The following NFATC2 variants were observed in gnomAD, a reference collection of about 807,000 sequenced individuals.
NFATC2 encodes nuclear factor of activated T-cells, cytoplasmic 2.
A neutral mutation model predicts 87.3 loss-of-function variants in NFATC2; 22 were observed. The observed-to-expected ratio is 0.25, with a 90% CI of 0.18 to 0.36. The LOEUF (loss-of-function observed/expected upper bound fraction) is 0.36. Among genes scored for constraint, NFATC2 ranks in the 10% least tolerant of loss-of-function variants. The pLI, the probability that NFATC2 is intolerant of heterozygous loss-of-function variation, is 1.00. For synonymous variants in NFATC2, 565 were observed against 542.2 expected (o/e 1.04, Z -0.58); for missense variants, 1,149 against 1,259.1 (o/e 0.91, Z 1.32).
chr20:51,540,663 T>TTTTTTTTTTGTTTG (rs1555818354), intron 1 of NFATC2, among the ~76,000 whole-genome samples: 12,340 of 135,018 alleles, frequency 0.091, 686 homozygotes, highest in East Asian at 0.21. Context: ...TTTTTGTTTT[T>TTTTTTTTTTGTTTG]TTTTTTTTGA....
In NFATC2 at chr20:51,474,243, G is replaced by T. The variant is rs1988507848; in HGVS notation, c.1536-91C>A. 3 of 1,477,348 alleles carry T rather than the reference G, an allele frequency of 2.0e-6. No individual in the cohort carries two copies. The East Asian group carries it at 6.9e-5, about 34-fold the overall frequency. The allele number at this position is 1,477,348 out of a possible 1,614,324, so 91.5% of individuals were successfully genotyped here. ...AGCTGCCAGTCTACAGCCAGTCACT[G>T]GGGGAAACTGCAATACACTCACATA... On this transcript the variant is annotated intron_variant, in intron 4 of 10. Transcript: ENST00000371564.
chr20:51,502,296 A>G (rs936612094), intron 3 of NFATC2, among the ~76,000 whole-genome samples: 3 of 152,172 alleles, frequency 2.0e-5, no homozygotes, highest in Admixed American at 6.6e-5. Flanking sequence ...TGCCCTTGCT[A>G]AACTATCTAC....
chr20:51,550,043 T>C (rs1341987424), intron 1 of NFATC2, among the ~76,000 whole-genome samples: 2 of 152,174 alleles, frequency 1.3e-5, no homozygotes, highest in African/African-American at 4.8e-5. Context: ...AACATATTGT[T>C]GGGTTGAAAA....
rs1568913584 is a variant in NFATC2, at chr20:51,390,716, C to CG, written c.*779dup. On this transcript the variant is annotated 3_prime_UTR_variant, in exon 11 of 11. Transcript: ENST00000371564. Reference sequence around the variant, plus strand: ...GCAGAAAAAATAATAATAACAAACGCGTATACATGTCATAACTTAACGCCA... The same window carrying CG: ...GCAGAAAAAATAATAATAACAAACGCGGTATACATGTCATAACTTAACGCCA... The CG allele has an allele frequency of 6.4e-6, 1 of 156,736 alleles. No homozygotes were observed. The highest frequency in any genetic ancestry group is 2.4e-5 in the African/African-American group (1 of 41,456). 9.7% of individuals were successfully genotyped at this position (156,736 alleles called of 1,614,324 possible). A position where few individuals can be genotyped will look rare whatever the true frequency, so the allele number is the denominator to read the frequency against.
intron 1 of NFATC2, among the ~76,000 whole-genome samples, chr20:51,539,314 G>A (rs899805997): frequency 6.6e-6 from 1 of 152,074 alleles, no homozygotes; most frequent in Non-Finnish European, 1.5e-5. Context: ...TTGCCATCTG[G>A]GACAAAACCT....
At chr20:51,423,459 A>C (rs1981277800) in intron 9 of NFATC2, among the ~76,000 whole-genome samples, 1 of 152,132 alleles carries the variant, frequency 6.6e-6, no homozygotes, top group African/African-American at 2.4e-5. Flanking sequence ...CCAGCATAGC[A>C]CACCCACAGA....
chr20:51,534,133 C>T (rs1310015136), intron 1 of NFATC2, among the ~76,000 whole-genome samples: 2 of 152,054 alleles, frequency 1.3e-5, no homozygotes, highest in Admixed American at 1.3e-4. Flanking sequence ...ATAGCTACTC[C>T]GAACACCTCT....
intron 3 of NFATC2, among the ~76,000 whole-genome samples, chr20:51,492,024 C>A (rs2075899527): frequency 6.6e-6 from 1 of 151,880 alleles, no homozygotes; most frequent in South Asian, 2.1e-4. Context: ...GCCATGAACA[C>A]CCCTTGTTCA....
chr20:51,547,137 C>T (rs2076895977), upstream of NFATC2, among the ~76,000 whole-genome samples: 1 of 152,056 alleles, frequency 6.6e-6, no homozygotes, highest in African/African-American at 2.4e-5. Flanking sequence ...GATGATGGCT[C>T]TGGGTTCTCT....
intron 1 of NFATC2, among the ~76,000 whole-genome samples, chr20:51,530,095 A>G (rs1051590825): frequency 6.6e-6 from 1 of 152,208 alleles, no homozygotes; most frequent in Non-Finnish European, 1.5e-5. Context: ...AGGGAAAGGG[A>G]GGAGCCAGTG....
At chr20:51,421,079 A>ATC (rs2146300920) in intron 9 of NFATC2, among the ~76,000 whole-genome samples, 1 of 151,986 alleles carries the variant, frequency 6.6e-6, no homozygotes, top group African/African-American at 2.4e-5. Context: ...GTCTTAAAAA[A>ATC]AAAAAAAAAC....
intron 6 of NFATC2, among the ~76,000 whole-genome samples, chr20:51,440,442 T>A (rs1448915220): frequency 6.6e-5 from 10 of 152,192 alleles, no homozygotes; most frequent in African/African-American, 2.4e-4. Flanking sequence ...TACTTCTGCC[T>A]ACAGGTTTGG....
Position 51,432,171 on chromosome 20 carries a change from C to G in NFATC2, c.2618G>C (p.Arg873Thr), listed in dbSNP as rs754580402. 4 of 1,606,036 alleles carry G rather than the reference C, an allele frequency of 2.5e-6. No individual in the cohort carries two copies. The African/African-American group carries it at 5.4e-5, about 22-fold the overall frequency. ...GACCGGGGGTCCGTTTTTGGCGGCT[C>G]TTTGGCTCGTGGCATTCTGCTGCTG... is the stretch of plus-strand genomic sequence containing the variant. Reference protein sequence around the residue: ...VIQQQNATSQRAAKNGPPVSD... With the variant: ...VIQQQNATSQTAAKNGPPVSD... Residue 873 changes from arginine (R) to threonine (T), a missense_variant, in exon 9 of 11, where the codon AGA (arginine) becomes ACA (threonine). Arg to Thr is a moderately conservative substitution (Grantham distance 71, BLOSUM62 -1). Transcript: ENST00000371564. This position sits in a 1 kb window ranked among gnomAD's most constrained non-coding sequence, Gnocchi z 4.6.
chr20:51,396,038 GTATA>G (rs1161908517), intron 10 of NFATC2, among the ~76,000 whole-genome samples: 139 of 20,936 alleles, frequency 6.6e-3, no homozygotes, highest in Middle Eastern at 0.016. Flanking sequence ...CTCCTAGTAT[GTATA>G]TATATATATA....
intron 9 of NFATC2, among the ~76,000 whole-genome samples, chr20:51,415,703 C>A (rs1348981199): frequency 6.6e-6 from 1 of 152,154 alleles, no homozygotes; most frequent in Non-Finnish European, 1.5e-5. Flanking sequence ...CACCAAATTG[C>A]CCTTCAAAAG....
chr20:51,518,160 T>C (rs867788306), intron 2 of NFATC2, among the ~76,000 whole-genome samples: 1 of 152,238 alleles, frequency 6.6e-6, no homozygotes, highest in Non-Finnish European at 1.5e-5. Context: ...GAAGCTTATG[T>C]TAGTTCTAGC....
chr20:51,552,318 G>GTA (rs143977396), intron 1 of NFATC2, among the ~76,000 whole-genome samples: 6,367 of 151,924 alleles, frequency 0.042, 418 homozygotes, highest in African/African-American at 0.14. Context: ...GTCTGTGTGT[G>GTA]TATATATATA....
chr20:51,537,876 T>C (rs1284324683), intron 1 of NFATC2, among the ~76,000 whole-genome samples: 1 of 152,242 alleles, frequency 6.6e-6, no homozygotes, highest in Non-Finnish European at 1.5e-5. Flanking sequence ...CTCTAGTGAA[T>C]ACGTTTGAAA....
rs1260282274 is a variant in NFATC2 at position 51,527,713 on chromosome 20, T to C, written c.131-3603A>G. Among the ~76,000 whole-genome samples the C allele has an allele frequency of 2.0e-5, 3 of 152,160 alleles. No homozygotes were observed. The East Asian group carries it at 5.8e-4, about 29-fold the overall frequency. Reference sequence around the variant, plus strand: ...ACCAAAAGATAGAAGGCTATAACTCTAGAGAGGGTCATTTTGTAATATCCA... The same window carrying C: ...ACCAAAAGATAGAAGGCTATAACTCCAGAGAGGGTCATTTTGTAATATCCA... On this transcript the variant is annotated intron_variant, in intron 1 of 10. Transcript: ENST00000371564.
Sources: allele counts gnomAD v4.1 joint callset (sites outside exome capture counted in the v4.1 genomes callset), GRCh38; gene constraint gnomAD v4.1.1; non-coding constraint Gnocchi (gnomAD v3.1); transcripts MANE v1.5; gene names NCBI Gene and HGNC (gene_info 2026-07-23, HGNC 2026-07-21).